Variants in SUCLG2 observed in about 807,000 individuals in gnomAD.
SUCLG2 encodes succinate-CoA ligase GDP-forming subunit beta, also known as succinate--CoA ligase [GDP-forming] subunit beta, mitochondrial.
Under a neutral mutation model 47.9 loss-of-function variants are expected in SUCLG2, and 42 were observed. The ratio of observed to expected loss-of-function variants is 0.88; its 90% confidence interval spans 0.69 to 1.14. The LOEUF (loss-of-function observed/expected upper bound fraction) is 1.14. Among genes scored for constraint, SUCLG2 ranks in the 50% most tolerant of loss-of-function variants. The probability of loss-of-function intolerance (pLI) is 0.00; values close to 1 mark genes in which losing one functional copy is unlikely to be tolerated. For synonymous variants in SUCLG2, 195 were observed against 197.3 expected, an observed-to-expected ratio of 0.99 and a Z score of 0.10; for missense variants, 571 against 525.9, an observed-to-expected ratio of 1.09 and a Z score of -0.84.
At chr3:67,652,225 C>A (rs1397093937) in intron 1 of SUCLG2, among the ~76,000 whole-genome samples, 1 of 151,076 alleles carries the variant, frequency 6.6e-6, no homozygotes, top group Non-Finnish European at 1.5e-5. Context: ...TAAATTTAAC[C>A]ATAGGGAGGA....
At chr3:67,468,248 A>T (rs1704521732) in intron 9 of SUCLG2, among the ~76,000 whole-genome samples, 1 of 152,236 alleles carries the variant, frequency 6.6e-6, no homozygotes, top group Non-Finnish European at 1.5e-5. Flanking sequence ...AATATAGTAT[A>T]GACATGGACC....
intron 9 of SUCLG2, among the ~76,000 whole-genome samples, chr3:67,470,856 TACCC>T (rs1559538549): frequency 1.3e-5 from 2 of 152,204 alleles, no homozygotes; most frequent in Non-Finnish European, 2.9e-5. Flanking sequence ...GATAGAAAGA[TACCC>T]ACTGCCATCC....
At chr3:67,565,471 A>C (rs1035244426) in intron 2 of SUCLG2, among the ~76,000 whole-genome samples, 5 of 152,226 alleles carry the variant, frequency 3.3e-5, no homozygotes, top group African/African-American at 4.8e-5. Context: ...CCATACTTTT[A>C]AAAAATTAAA....
intron 9 of SUCLG2, among the ~76,000 whole-genome samples, chr3:67,492,492 C>CA (rs1305462221): frequency 6.6e-6 from 1 of 152,124 alleles, no homozygotes; most frequent in Non-Finnish European, 1.5e-5. Flanking sequence ...CAGAAAACCA[C>CA]AAAACCCTAC....
At chr3:67,440,647 T>A (rs964931771) in intron 9 of SUCLG2, among the ~76,000 whole-genome samples, 2 of 152,178 alleles carry the variant, frequency 1.3e-5, no homozygotes, top group African/African-American at 4.8e-5. Context: ...CCACCAGTCA[T>A]TAGAGAAATG....
chr3:67,360,587 T>A lies in SUCLG2; in HGVS notation c.*42A>T, dbSNP rs564369989. 75 of 1,451,660 alleles carry A rather than the reference T, an allele frequency of 5.2e-5. No homozygotes were observed. In the Middle Eastern group the frequency reaches 5.3e-4, roughly 10 times the overall value. 89.9% of individuals were successfully genotyped at this position (1,451,660 alleles called of 1,614,324 possible). On this transcript the variant is annotated 3_prime_UTR_variant, in exon 11 of 11. Transcript: ENST00000493112. The stretch of plus-strand genomic sequence containing the variant: ...TAATTTTGTGATGATATTCATTAAT[T>A]TGGAAAAGTAATCTCAGCAAGTATC...
At chr3:67,456,253 CCAAT>C (rs767928333) in intron 9 of SUCLG2, among the ~76,000 whole-genome samples, 55 of 152,042 alleles carry the variant, frequency 3.6e-4, no homozygotes, top group Admixed American at 2.0e-4. Flanking sequence ...TCCTTTATTA[CCAAT>C]CAAATAAAAA....
At chr3:67,422,587 G>GAAAGTCAT (rs1214476785) in intron 9 of SUCLG2, among the ~76,000 whole-genome samples, 2 of 148,868 alleles carry the variant, frequency 1.3e-5, no homozygotes, top group Non-Finnish European at 3.0e-5. Context: ...TCTGTGACCA[G>GAAAGTCAT]AAAGTCATAG....
At chr3:67,590,626 A>T (rs1405610381) in intron 2 of SUCLG2, among the ~76,000 whole-genome samples, 2 of 152,138 alleles carry the variant, frequency 1.3e-5, no homozygotes, top group Non-Finnish European at 2.9e-5. Flanking sequence ...CCATGATATT[A>T]AGTTCCTCGA....
intron 8 of SUCLG2, among the ~76,000 whole-genome samples, chr3:67,496,655 C>A (rs557523465): frequency 2.8e-4 from 42 of 152,202 alleles, no homozygotes; most frequent in African/African-American, 9.6e-4. Flanking sequence ...CCAAAATGTG[C>A]CAACATCTTA....
intron 9 of SUCLG2, among the ~76,000 whole-genome samples, chr3:67,490,595 T>C (rs1019296315): frequency 1.3e-5 from 2 of 152,244 alleles, no homozygotes; most frequent in Non-Finnish European, 2.9e-5. Flanking sequence ...TGATTATCAC[T>C]GAACCTGTAT....
chr3:67,528,242 A>C lies in SUCLG2; in HGVS notation c.327-20T>G, dbSNP rs1282375418. 1 of 1,603,864 alleles carries C rather than the reference A, an allele frequency of 6.2e-7. No individual in the cohort carries two copies. The highest frequency in any genetic ancestry group is 1.7e-5 in the Admixed American group (1 of 59,886). ...TTAGGGCTAAGAGAAAGAGAAAACA[A>C]GCAGAAAATGAATGTTTGTTGAAAA... On this transcript the variant is annotated intron_variant, in intron 3 of 10. Coordinates refer to ENST00000307227, the MANE Select transcript of SUCLG2 (RefSeq NM_003848.4).
At chr3:67,396,344 C>G (rs558530258) in intron 10 of SUCLG2, among the ~76,000 whole-genome samples, 1 of 152,026 alleles carries the variant, frequency 6.6e-6, no homozygotes, top group African/African-American at 2.4e-5. Flanking sequence ...GGGGATATCA[C>G]CACCGATCCC....
At chr3:67,368,386 T>A (rs148016420) in intron 10 of SUCLG2, among the ~76,000 whole-genome samples, 1,856 of 152,276 alleles carry the variant, frequency 0.012, 39 homozygotes, top group African/African-American at 0.042. Context: ...TTCAATAAAC[T>A]TTTATTCTAT....
intron 8 of SUCLG2, among the ~76,000 whole-genome samples, chr3:67,497,763 C>A (rs1370925292): frequency 1.3e-5 from 2 of 152,040 alleles, no homozygotes; most frequent in Non-Finnish European, 2.9e-5. Context: ...TTTTGCATAC[C>A]ACAGCCATTT....
intron 3 of SUCLG2, 49 bp from the exon 4 acceptor site, chr3:67,528,271 T>C (rs758277223): frequency 1.2e-5 from 19 of 1,553,398 alleles, no homozygotes; most frequent in Non-Finnish European, 1.5e-5. Context: ...TTGAAAATCA[T>C]TTAAATGAGA....
intron 9 of SUCLG2, among the ~76,000 whole-genome samples, chr3:67,467,325 T>C (rs1471072347): frequency 6.6e-6 from 1 of 152,246 alleles, no homozygotes; most frequent in Non-Finnish European, 1.5e-5. Flanking sequence ...GAATAGGAAG[T>C]TATTCAGTTT....
intron 10 of SUCLG2, among the ~76,000 whole-genome samples, chr3:67,387,141 A>C (rs557648590): frequency 1.3e-5 from 2 of 152,256 alleles, no homozygotes; most frequent in African/African-American, 4.8e-5. Flanking sequence ...GCAAAGCCTA[A>C]TATGAACATT....
At chr3:67,446,355 A>AT (rs1491403422) in intron 9 of SUCLG2, among the ~76,000 whole-genome samples, 6 of 252 alleles carry the variant, frequency 0.024, no homozygotes, top group Admixed American at 0.071. Flanking sequence ...ATTTGTATAT[A>AT]AAAAAAAAAA....
Sources: gnomAD v4.1 joint callset for allele counts (sites outside exome capture counted in the v4.1 genomes callset) on GRCh38, gnomAD v4.1.1 for gene constraint, MANE v1.5 for transcripts, NCBI Gene and HGNC (gene_info 2026-07-23, HGNC 2026-07-21) for gene names.